Variants in NCMAP observed in about 807,000 individuals in gnomAD.
NCMAP encodes the protein non-compact myelin associated protein.
Under a neutral mutation model 7.8 loss-of-function variants are expected in NCMAP, and 8 were observed. The observed-to-expected ratio is 1.02, with a 90% CI of 0.60 to 1.84. The LOEUF is 1.84. NCMAP is among the 40% of genes most tolerant of loss of function. NCMAP has a pLI of 0.00. For synonymous variants in NCMAP, 41 were observed against 52.9 expected (o/e 0.78, Z 0.98); for missense variants, 112 against 131.4 (o/e 0.85, Z 0.72).
intron 1 of NCMAP, among the ~76,000 whole-genome samples, chr1:24,587,767 C>A (rs1467471404): frequency 1.3e-5 from 2 of 152,204 alleles, no homozygotes; most frequent in African/African-American, 4.8e-5. Context: ...CCCACCTCGG[C>A]CTCCCAAAAT....
At chr1:24,569,637 G>C (rs1040158193) in intron 1 of NCMAP, among the ~76,000 whole-genome samples, 3 of 150,720 alleles carry the variant, frequency 2.0e-5, no homozygotes, top group African/African-American at 7.5e-5. Context: ...TGTGACCTCA[G>C]GATACTTAGT....
intron 1 of NCMAP, among the ~76,000 whole-genome samples, chr1:24,585,268 C>T (rs999060431): frequency 6.6e-6 from 1 of 152,052 alleles, no homozygotes; most frequent in Non-Finnish European, 1.5e-5. Flanking sequence ...TCAGGCGGCT[C>T]GGGTGACTAT....
At position 24,597,667 on chromosome 1, in the gene NCMAP, GAA is replaced by G. The variant is rs1322929642; in HGVS notation, c.82+2157_82+2158del. Reference sequence around the variant, plus strand: ...AGAAAGAAAGAAAGAAAGAAAGAAAGAAAGAAAAGAAAAAGAAAGAAAGAAAG... The same window carrying G: ...AGAAAGAAAGAAAGAAAGAAAGAAAGAGAAAAGAAAAAGAAAGAAAGAAAG... On this transcript the variant is annotated intron_variant, in intron 2 of 3. Coordinates refer to ENST00000374392, the MANE Select transcript of NCMAP (RefSeq NM_001010980.5). Among the ~76,000 whole-genome samples the G allele has an allele frequency of 3.4e-4, 45 of 132,856 alleles. 1 individual carries two copies. Among genetic ancestry groups the G allele is most frequent in the Middle Eastern group, 8.4e-3 (2 of 238 alleles). 87.2% of individuals were successfully genotyped at this position (132,856 alleles called of 152,430 possible). A position where few individuals can be genotyped will look rare whatever the true frequency, so the allele number is the denominator to read the frequency against.
chr1:24,601,058 C>T lies in NCMAP; in HGVS notation c.167+34C>T, dbSNP rs371911941. 2.5e-5 allele frequency: 39 copies of T among 1,576,284 alleles called. 1 individual carries two copies. In the South Asian group the frequency reaches 3.3e-4, roughly 13 times the overall value. ...GCCCTGGGCTTTGGAACTGCCTGGA[C>T]GGTCCCTTCAGTGACATCAGAATAA... On this transcript the variant is annotated intron_variant, in intron 3 of 3. Transcript: ENST00000374392.
intron 1 of NCMAP, among the ~76,000 whole-genome samples, chr1:24,558,631 C>A (rs574517267): frequency 2.0e-5 from 3 of 152,244 alleles, no homozygotes; most frequent in African/African-American, 7.2e-5. Context: ...TCCAAGCTGA[C>A]CCCCCCTCAT....
chr1:24,567,151 C>G (rs560978110), intron 1 of NCMAP, among the ~76,000 whole-genome samples: 4 of 152,146 alleles, frequency 2.6e-5, no homozygotes, highest in African/African-American at 9.7e-5. Context: ...ATCTCTTCCA[C>G]GCAGCCCATA....
At chr1:24,603,860 G>A (rs1652592162) in intron 3 of NCMAP, among the ~76,000 whole-genome samples, 1 of 152,246 alleles carries the variant, frequency 6.6e-6, no homozygotes, top group Non-Finnish European at 1.5e-5. Context: ...GTGAAGGGCT[G>A]TCTTAGACTA....
At chr1:24,585,201 A>T (rs1557598865) in intron 1 of NCMAP, among the ~76,000 whole-genome samples, 1 of 152,056 alleles carries the variant, frequency 6.6e-6, no homozygotes, top group Non-Finnish European at 1.5e-5. Context: ...CGGGGTGGGG[A>T]GCTTATGATA....
At chr1:24,590,095 C>T (rs1436871158) in intron 1 of NCMAP, among the ~76,000 whole-genome samples, 2 of 152,134 alleles carry the variant, frequency 1.3e-5, no homozygotes, top group Non-Finnish European at 2.9e-5. Context: ...CCACTGCACC[C>T]GGCTGAGAGT....
intron 1 of NCMAP, among the ~76,000 whole-genome samples, chr1:24,593,512 A>C (rs1652113715): frequency 6.6e-6 from 1 of 152,176 alleles, no homozygotes. Flanking sequence ...AATAAATAGA[A>C]AAACTGAAGA....
intron 1 of NCMAP, among the ~76,000 whole-genome samples, chr1:24,559,913 G>A (rs1276251949): frequency 6.6e-6 from 1 of 152,200 alleles, no homozygotes; most frequent in East Asian, 1.9e-4. Context: ...TGTAATCCCA[G>A]CACTTTGGGA....
At chr1:24,596,577 G>A (rs895358775) in intron 2 of NCMAP, among the ~76,000 whole-genome samples, 10 of 151,762 alleles carry the variant, frequency 6.6e-5, no homozygotes, top group Non-Finnish European at 1.2e-4. Flanking sequence ...CCAGCTACAC[G>A]GGGGGTGCTG....
intron 1 of NCMAP, among the ~76,000 whole-genome samples, chr1:24,590,629 C>T (rs1347178885): frequency 6.6e-6 from 1 of 152,120 alleles, no homozygotes; most frequent in African/African-American, 2.4e-5. Flanking sequence ...GAGACAAGGT[C>T]TTGCTCTGTC....
At chr1:24,594,415 C>T (rs1370521967) in intron 1 of NCMAP, among the ~76,000 whole-genome samples, 1 of 152,228 alleles carries the variant, frequency 6.6e-6, no homozygotes, top group South Asian at 2.1e-4. Flanking sequence ...ACTTGTATGA[C>T]CGGTTGATTC....
intron 3 of NCMAP, among the ~76,000 whole-genome samples, chr1:24,604,681 A>C (rs534979601): frequency 2.3e-5 from 3 of 127,694 alleles, no homozygotes; most frequent in African/African-American, 8.8e-5. Flanking sequence ...CCATGAAGAC[A>C]TGAGAATTCA....
rs1650916755 is a variant in NCMAP, at chr1:24,557,073, G to A, written c.-8+904G>A. Among the ~76,000 whole-genome samples, 4 of 152,184 alleles carry A rather than the reference G, an allele frequency of 2.6e-5. No individual in the cohort carries two copies. The South Asian group carries it at 8.3e-4, about 31-fold the overall frequency. On this transcript the variant is annotated intron_variant, in intron 1 of 3. Transcript: ENST00000374392. The stretch of plus-strand genomic sequence containing the variant: ...TTAATACAGGGTGGGTATATAGTAG[G>A]CACTCAATGAACATGAGCTATTAAT...
At chr1:24,571,472 C>T (rs185435234) in intron 1 of NCMAP, among the ~76,000 whole-genome samples, 1 of 149,368 alleles carries the variant, frequency 6.7e-6, no homozygotes, top group Non-Finnish European at 1.5e-5. Context: ...AAGACTCTGT[C>T]TCAAAAAGAA....
chr1:24,587,788 T>C (rs1169000159), intron 1 of NCMAP, among the ~76,000 whole-genome samples: 2 of 151,380 alleles, frequency 1.3e-5, no homozygotes, highest in Non-Finnish European at 2.9e-5. Context: ...GCTGGGATTA[T>C]AGGCATAAGC....
intron 1 of NCMAP, among the ~76,000 whole-genome samples, chr1:24,560,286 T>C (rs942106383): frequency 1.3e-5 from 2 of 152,184 alleles, no homozygotes; most frequent in African/African-American, 4.8e-5. Flanking sequence ...TCACTCGTCA[T>C]TGGTTCATTC....
Sources: gnomAD v4.1 joint callset for allele counts (sites outside exome capture counted in the v4.1 genomes callset) on GRCh38, gnomAD v4.1.1 for gene constraint, MANE v1.5 for transcripts, NCBI Gene and HGNC (gene_info 2026-07-23, HGNC 2026-07-21) for gene names.